CKAP5: variants seen among roughly 807,000 people sequenced by gnomAD.
CKAP5 encodes the protein cytoskeleton-associated protein 5.
A neutral mutation model predicts 232.8 loss-of-function variants in CKAP5; 27 were observed. The observed-to-expected ratio is 0.12, with a 90% CI of 0.09 to 0.16. The LOEUF (loss-of-function observed/expected upper bound fraction) is 0.16. Ranked by LOEUF, CKAP5 falls within the 10% of genes least tolerant of loss-of-function variation. The pLI is 1.00. For synonymous variants in CKAP5, 785 were observed against 841.1 expected, an observed-to-expected ratio of 0.93 and a Z score of 1.16; for missense variants, 1,838 against 2,424.7, an observed-to-expected ratio of 0.76 and a Z score of 5.08.
intron 4 of CKAP5, 99 bp downstream of exon 4, chr11:46,816,099 A>T (rs1456286555): frequency 3.6e-5 from 35 of 960,538 alleles, no homozygotes; most frequent in Non-Finnish European, 5.6e-5. Flanking sequence ...CCAACACACA[A>T]TTCTTCCATG....
In CKAP5 at chr11:46,772,733, CTTTTT is replaced by C. The variant is rs139098308; in HGVS notation, c.2992-1756_2992-1752del. ...GTAAGCTAATTGTAAAGTGATTCCTCTTTTTTTTTTTTGTTTTTTTGTTTTTGAGA... is the reference window on the plus strand; with the variant it reads ...GTAAGCTAATTGTAAAGTGATTCCTCTTTTTTTGTTTTTTTGTTTTTGAGA... On this transcript the variant is annotated intron_variant, in intron 24 of 43. Coordinates refer to ENST00000529230, the MANE Select transcript of CKAP5 (RefSeq NM_001008938.4). 2.7e-5 allele frequency among the ~76,000 whole-genome samples: 4 copies of C among 145,642 alleles called. No homozygotes were observed. The South Asian group carries it at 6.6e-4, about 24-fold the overall frequency.
intron 1 of CKAP5, among the ~76,000 whole-genome samples, chr11:46,823,521 T>C (rs973846258): frequency 6.6e-6 from 1 of 152,244 alleles, no homozygotes; most frequent in Non-Finnish European, 1.5e-5. Flanking sequence ...AAAGTCTACA[T>C]AGCACTCCAT....
Position 46,784,583 on chromosome 11 carries a change from C to G in CKAP5, c.2059G>C (p.Val687Leu). Residue 687 changes from valine to leucine, a missense_variant, in exon 17 of 44, where the codon GTG becomes CTG. Physicochemically the swap from Val to Leu is conservative, Grantham distance 32 (BLOSUM62 1). Transcript: ENST00000529230. ...CATTTCACATCTCCAATCTTGTCCA[C>G]AAGGCCATCTAATACAACCTGAGCT... ...TSAQVVLDGL[V>L]DKIGDVKCGN... 1.9e-6 allele frequency: 3 copies of G among 1,614,098 alleles called. No individual in the cohort carries two copies.
intron 2 of CKAP5, 47 bp from the exon 3 acceptor site, chr11:46,818,550 T>C (rs763232944): frequency 1.9e-5 from 25 of 1,315,016 alleles, no homozygotes; most frequent in Non-Finnish European, 2.5e-5. Context: ...TTAATGATAT[T>C]ATCATCTACT....
At chr11:46,840,354 A>G (rs1361146313) in intron 1 of CKAP5, among the ~76,000 whole-genome samples, 6 of 152,108 alleles carry the variant, frequency 3.9e-5, no homozygotes, top group African/African-American at 1.4e-4. Flanking sequence ...TCACCAGTGT[A>G]TTCCCTGAAT....
rs1424770629 is a variant in CKAP5, at chr11:46,778,197, T to G, written c.2690A>C (p.Asn897Thr). The change falls in exon 22 of 44, where the codon AAT becomes ACT. Residue 897 changes from asparagine (N) to threonine (T), a missense_variant. Asn to Thr is a moderately conservative substitution (Grantham distance 65). This residue lies in a region of CKAP5 where 767 missense variants were observed against 954.6 expected (regional missense o/e 0.80). Transcript: ENST00000529230. ...CAAGGCAGTTGGAAGTTCACCTATA[T>G]TCGGTTGGATAAATTTTGCGTCATT... ...IINDAKFIQP[N>T]IGELPTALKG... 2.5e-6 allele frequency: 4 copies of G among 1,614,116 alleles called. No individual in the cohort carries two copies. The highest frequency in any genetic ancestry group is 2.5e-6 in the Non-Finnish European group (3 of 1,179,988).
rs771437170 is a variant in CKAP5 at position 46,769,970 on chromosome 11, A to G, written c.3315T>C (p.Pro1105=). 6.2e-7 allele frequency: 1 copy of G among 1,614,116 alleles called. No homozygotes were observed. The highest frequency in any genetic ancestry group is 1.1e-5 in the South Asian group (1 of 91,080). ...MGGSAPAKFQ[P]ASAPAEDCIS... ...TTCTTAAGATAGAGTTACCTGATGCAGGCTGGAATTTGGCTGGAGCGGACC... is the reference window on the plus strand; with the variant it reads ...TTCTTAAGATAGAGTTACCTGATGCGGGCTGGAATTTGGCTGGAGCGGACC... Residue 1105 remains proline, a synonymous_variant, in exon 26 of 44, where the codon CCT becomes CCC. Coordinates refer to ENST00000529230, the MANE Select transcript of CKAP5 (RefSeq NM_001008938.4).
chr11:46,751,576 TGAG>T, intron 38 of CKAP5, 42 bp from the exon 39 acceptor site: 1 of 1,500,928 alleles, frequency 6.7e-7, no homozygotes, highest in Non-Finnish European at 9.0e-7. Context: ...GACTGAAGAA[TGAG>T]GATAATTTGT....
intron 5 of CKAP5, 93 bp from the exon 6 acceptor site, chr11:46,809,967 ATTTC>A (rs1939239232): frequency 3.2e-6 from 4 of 1,263,944 alleles, no homozygotes; most frequent in African/African-American, 3.1e-5. Flanking sequence ...TCAGGACCCA[ATTTC>A]TTTCTTTTTT....
rs763446848 is a variant in CKAP5 at position 46,767,653 on chromosome 11, T to G, written c.3333A>C (p.Glu1111Asp). ...GTTCTGTACTGCTGGAAATACAATC[T>G]TCAGCAGGTGCTTTGAGGAAAAAAA... is the stretch of plus-strand genomic sequence containing the variant. Reference protein sequence around the residue: ...AKFQPASAPAEDCISSSTEPK... With the variant: ...AKFQPASAPADDCISSSTEPK... The change falls in exon 27 of 44, where the codon GAA becomes GAC. Residue 1111 changes from glutamate to aspartate, a missense_variant. Glu to Asp is a conservative substitution (Grantham distance 45). This residue lies in a region of CKAP5 where 767 missense variants were observed against 954.6 expected (regional missense o/e 0.80). Transcript: ENST00000529230. 6.2e-7 allele frequency: 1 copy of G among 1,607,730 alleles called. No homozygotes were observed. The highest frequency in any genetic ancestry group is 1.1e-5 in the South Asian group (1 of 90,002).
In CKAP5 at chr11:46,743,770, C is replaced by A; in HGVS notation, c.*253G>T. On this transcript the variant is annotated 3_prime_UTR_variant, in exon 44 of 44. Coordinates refer to ENST00000529230, the MANE Select transcript of CKAP5 (RefSeq NM_001008938.4). Reference sequence around the variant, plus strand: ...AAAAGGATCTGGGAACTAGACTGAGCAGAGAGGGGGCAGCTGTTTACAAGT... The same window carrying A: ...AAAAGGATCTGGGAACTAGACTGAGAAGAGAGGGGGCAGCTGTTTACAAGT... 2.0e-6 allele frequency: 1 copy of A among 497,026 alleles called. No homozygotes were observed. Among genetic ancestry groups the A allele is most frequent in the Non-Finnish European group, 3.6e-6 (1 of 274,600 alleles). 30.8% of individuals were successfully genotyped at this position (497,026 alleles called of 1,614,324 possible).
In CKAP5 at chr11:46,744,083, G is replaced by A. The variant is rs973868599; in HGVS notation, c.6039C>T (p.Ser2013=). Reference sequence around the variant, plus strand: ...TTTTCAAGTCGTCTATGTTAGCTGTGGAGGAGGAGGAGGTCACAGTTCCTG... The same window carrying A: ...TTTTCAAGTCGTCTATGTTAGCTGTAGAGGAGGAGGAGGTCACAGTTCCTG... The part of the protein sequence containing the change: ...HSSGTVTSSS[S]TANIDDLKKR... Residue 2013 remains serine (S), a synonymous_variant, in exon 44 of 44, where the codon TCC becomes TCT. Coordinates refer to ENST00000529230, the MANE Select transcript of CKAP5 (RefSeq NM_001008938.4). 1.4e-5 allele frequency: 23 copies of A among 1,613,610 alleles called. No homozygotes were observed. Among genetic ancestry groups the A allele is most frequent in the Non-Finnish European group, 1.9e-5 (22 of 1,179,824 alleles).
intron 31 of CKAP5, 98 bp downstream of exon 31, chr11:46,762,529 A>G: frequency 1.4e-6 from 2 of 1,425,400 alleles, no homozygotes; most frequent in Non-Finnish European, 2.0e-6. Context: ...AATCAACTAC[A>G]TAGGCACTGG....
intron 1 of CKAP5, among the ~76,000 whole-genome samples, chr11:46,831,724 G>A (rs919857202): frequency 7.3e-5 from 11 of 151,720 alleles, no homozygotes; most frequent in Non-Finnish European, 1.2e-4. Flanking sequence ...TAGAGACAGG[G>A]TCTCACTATG....
chr11:46,750,226 T>C (rs367973544), intron 42 of CKAP5, 48 bp downstream of exon 42: 6 of 1,574,242 alleles, frequency 3.8e-6, no homozygotes, highest in Non-Finnish European at 5.2e-6. Context: ...GTTCCTGTGC[T>C]AGGAGCTATT....
chr11:46,780,401 G>T (rs768817360), intron 19 of CKAP5, 27 bp downstream of exon 19: 1 of 1,612,914 alleles, frequency 6.2e-7, no homozygotes, highest in Non-Finnish European at 8.5e-7. Flanking sequence ...TGGCAATACT[G>T]CCCTATATAT....
rs1327007787 is a variant in CKAP5 at position 46,765,114 on chromosome 11, T to G, written c.3537+17A>C. Reference sequence around the variant, plus strand: ...ATACAAGCAAAAATCTCCTGACGATTCTTAATCCTTCCTTACCTTCAATCC... The same window carrying G: ...ATACAAGCAAAAATCTCCTGACGATGCTTAATCCTTCCTTACCTTCAATCC... On this transcript the variant is annotated intron_variant, in intron 28 of 43. Coordinates refer to ENST00000529230, the MANE Select transcript of CKAP5 (RefSeq NM_001008938.4). The G allele has an allele frequency of 3.1e-6, 5 of 1,605,182 alleles. No homozygotes were observed. Among genetic ancestry groups the G allele is most frequent in the Non-Finnish European group, 4.3e-6 (5 of 1,176,448 alleles).
chr11:46,787,889 CA>C (rs2065409676), intron 16 of CKAP5, among the ~76,000 whole-genome samples: 1 of 152,154 alleles, frequency 6.6e-6, no homozygotes, highest in South Asian at 2.1e-4. Context: ...AACAGCAAGA[CA>C]AACCCCTTTT....
chr11:46,790,578 A>G lies in CKAP5; in HGVS notation c.1656T>C (p.Gly552=), dbSNP rs1475152786. 6.2e-7 allele frequency: 1 copy of G among 1,609,244 alleles called. No individual in the cohort carries two copies. Among genetic ancestry groups the G allele is most frequent in the African/African-American group, 1.3e-5 (1 of 74,852 alleles). The change falls in exon 14 of 44, where the codon GGT becomes GGC. Residue 552 remains glycine (G), a synonymous_variant. Coordinates refer to ENST00000529230, the MANE Select transcript of CKAP5 (RefSeq NM_001008938.4). ...PLKKAPAAKA[G]GPPKKGKPAA... ...CTGGTTTCCCCTTTTTTGGTGGCCC[A>G]CCAGCCTAAAAACAATTTAAAAAAT...
Sources: gnomAD v4.1 joint callset for allele counts (sites outside exome capture counted in the v4.1 genomes callset) on GRCh38, gnomAD v4.1.1 for gene constraint, gnomAD v4.1.1 regional missense constraint, MANE v1.5 for transcripts, NCBI Gene and HGNC (gene_info 2026-07-23, HGNC 2026-07-21) for gene names.